RGMA: variants seen among roughly 807,000 people sequenced by gnomAD.
The protein encoded by RGMA is repulsive guidance molecule A.
In RGMA, 10 loss-of-function variants were observed where a neutral mutation model predicts 23.2. The ratio of observed to expected loss-of-function variants is 0.43; its 90% confidence interval spans 0.27 to 0.73. The LOEUF (loss-of-function observed/expected upper bound fraction) is 0.73, where lower values mean the gene tolerates loss of function less well. Among genes scored for constraint, RGMA ranks in the 30% least tolerant of loss-of-function variants. The pLI is 0.20. For synonymous variants in RGMA, 308 were observed against 279.3 expected (o/e 1.10, Z -1.03); for missense variants, 547 against 630.5 (o/e 0.87, Z 1.42).
intron 2 of RGMA, among the ~76,000 whole-genome samples, chr15:93,055,162 C>T (rs796930623): frequency 4.0e-4 from 61 of 152,224 alleles, no homozygotes; most frequent in African/African-American, 1.4e-3. Context: ...GAAAATCAAC[C>T]GGAAGGAACA....
At chr15:93,075,141 T>C (rs893786955) in intron 1 of RGMA, among the ~76,000 whole-genome samples, 3 of 149,000 alleles carry the variant, frequency 2.0e-5, no homozygotes, top group Non-Finnish European at 4.4e-5. Flanking sequence ...AATCTTCAAC[T>C]ATGTTACAAT....
At chr15:93,073,209 C>T (rs1220732357) in intron 1 of RGMA, 178 bp from the exon 2 acceptor site, 2 of 1,176,628 alleles carry the variant, frequency 1.7e-6, no homozygotes, top group South Asian at 3.8e-5. Flanking sequence ...ATCCATCACT[C>T]GGTTCTCCGC....
chr15:93,044,657 A>C lies in RGMA; in HGVS notation c.*341T>G. ...GCCTTTCAGTGCATTGCGAGGGGGA[A>C]GGAGCTGACTCTGACGGTTCCCAGT... On this transcript the variant is annotated 3_prime_UTR_variant, in exon 4 of 4. Coordinates refer to ENST00000329082, the MANE Select transcript of RGMA (RefSeq NM_020211.3). 10 of 331,544 alleles carry C rather than the reference A, an allele frequency of 3.0e-5. No homozygotes were observed. Among genetic ancestry groups the C allele is most frequent in the Middle Eastern group, 8.7e-4 (1 of 1,152 alleles). The allele number at this position is 331,544 out of a possible 1,614,324, so 20.5% of individuals were successfully genotyped here.
intron 2 of RGMA, chr15:93,066,521 C>T: frequency 6.1e-6 from 3 of 489,788 alleles, no homozygotes; most frequent in South Asian, 3.4e-5. Context: ...CGACTCCGCC[C>T]CTGCCACCGC....
intron 2 of RGMA, among the ~76,000 whole-genome samples, chr15:93,070,551 G>C (rs930596366): frequency 7.2e-5 from 11 of 152,206 alleles, no homozygotes; most frequent in Admixed American, 3.3e-4. Flanking sequence ...GAATGGGACA[G>C]TCTCTCTCTG....
rs759362129 is a variant in RGMA, at chr15:93,073,009, G to C, written c.37C>G (p.Arg13Gly). Residue 13 changes from arginine (R) to glycine (G), a missense_variant, in exon 2 of 4, where the codon CGA becomes GGA. By Grantham distance (125) the Arg-to-Gly change is moderately radical (BLOSUM62 -2). Coordinates refer to ENST00000329082, the MANE Select transcript of RGMA (RefSeq NM_020211.3). Reference protein sequence around the residue: ...PPRERLVVTGRAGWMGMGRGA... With the variant: ...PPRERLVVTGGAGWMGMGRGA... ...CTCCCCATACCCATCCATCCAGCTC[G>C]GCCTGTTACCACTAGCCTCTCCCTG... The C allele has an allele frequency of 6.2e-7, 1 of 1,610,152 alleles. No individual in the cohort carries two copies. Among genetic ancestry groups the C allele is most frequent in the East Asian group, 2.2e-5 (1 of 44,682 alleles).
At chr15:93,062,780 CA>C (rs1279907495) in intron 2 of RGMA, 1 of 152,334 alleles carries the variant, frequency 6.6e-6, no homozygotes, top group Non-Finnish European at 1.5e-5. Context: ...TCTTCCCCAT[CA>C]GAGTCCCGGG....
chr15:93,049,543 G>A (rs149909252), intron 3 of RGMA, among the ~76,000 whole-genome samples: 140 of 152,326 alleles, frequency 9.2e-4, no homozygotes, highest in Non-Finnish European at 1.6e-3. Flanking sequence ...AAATGTCCAC[G>A]TAGAAAACAC....
Position 93,065,978 on chromosome 15 carries a change from G to A in RGMA, c.130+6938C>T, listed in dbSNP as rs8042721. The A allele has an allele frequency of 6.4e-3, 7,066 of 1,105,238 alleles. 322 individuals carry two copies. The African/African-American group carries it at 0.095, about 15-fold the overall frequency. 68.5% of individuals were successfully genotyped at this position (1,105,238 alleles called of 1,614,324 possible). A position where few individuals can be genotyped will look rare whatever the true frequency, so the allele number is the denominator to read the frequency against. On this transcript the variant is annotated intron_variant, in intron 2 of 3. Coordinates refer to ENST00000329082, the MANE Select transcript of RGMA (RefSeq NM_020211.3). ...GGTGGGGGGCGCCGTCGTCTGGGCC[G>A]CTGCGCGGAGTCTTTGGCCCGTTCC... is the stretch of plus-strand genomic sequence containing the variant.
Position 93,045,270 on chromosome 15 carries a change from C to G in RGMA, c.1081G>C (p.Val361Leu), listed in dbSNP as rs754991211. Residue 361 changes from valine (V) to leucine (L), a missense_variant, in exon 4 of 4, where the codon GTG becomes CTG. Val to Leu is a conservative substitution (Grantham distance 32). This residue lies in a region of RGMA where 205 missense variants were observed against 204.1 expected (regional missense o/e 1.00). Transcript: ENST00000329082. This position sits in a 1 kb window ranked among gnomAD's most constrained non-coding sequence, Gnocchi z 6.9. ...APETFPYETA[V>L]AKCKEKLPVE... The stretch of plus-strand genomic sequence containing the variant: ...GGCAGCTTCTCCTTGCACTTGGCCA[C>G]GGCTGTCTCGTATGGGAAGGTCTCG... The G allele has an allele frequency of 1.2e-5, 20 of 1,613,116 alleles. No homozygotes were observed. Among genetic ancestry groups the G allele is most frequent in the Middle Eastern group, 3.3e-4 (2 of 6,062 alleles).
chr15:93,059,296 C>A (rs960370512), intron 2 of RGMA, among the ~76,000 whole-genome samples: 1 of 152,188 alleles, frequency 6.6e-6, no homozygotes, highest in African/African-American at 2.4e-5. Context: ...GAAGCTTAAT[C>A]GATTCCGGGC....
chr15:93,054,333 ACAGT>A (rs1462844643), intron 2 of RGMA, among the ~76,000 whole-genome samples: 2 of 152,028 alleles, frequency 1.3e-5, no homozygotes, highest in African/African-American at 4.8e-5. Flanking sequence ...TAGGTAAATG[ACAGT>A]CAGGTGGTGC....
intron 2 of RGMA, among the ~76,000 whole-genome samples, chr15:93,053,944 A>G (rs554589294): frequency 6.6e-6 from 1 of 152,270 alleles, no homozygotes; most frequent in East Asian, 1.9e-4. Flanking sequence ...AGAAAAAAAA[A>G]TTGCTGGGTA....
chr15:93,060,853 C>T (rs76334982), intron 2 of RGMA, among the ~76,000 whole-genome samples: 4 of 152,356 alleles, frequency 2.6e-5, no homozygotes, highest in African/African-American at 4.8e-5. Flanking sequence ...GGATGCACTG[C>T]GGCATCCCAG....
chr15:93,044,920 G>A lies in RGMA; in HGVS notation c.*78C>T. The A allele has an allele frequency of 8.1e-7, 1 of 1,235,896 alleles. No individual in the cohort carries two copies. Among genetic ancestry groups the A allele is most frequent in the East Asian group, 2.5e-5 (1 of 39,276 alleles). The allele number at this position is 1,235,896 out of a possible 1,614,324, so 76.6% of individuals were successfully genotyped here. A position where few individuals can be genotyped will look rare whatever the true frequency, so the allele number is the denominator to read the frequency against. On this transcript the variant is annotated 3_prime_UTR_variant, in exon 4 of 4. Coordinates refer to ENST00000329082, the MANE Select transcript of RGMA (RefSeq NM_020211.3). ...CCATGGTGGACACGCCAGGAGATCT[G>A]CACCCCGTGGGCGGTCCCAGCCCAC...
At chr15:93,084,534 G>C (rs1258744820) in intron 1 of RGMA, among the ~76,000 whole-genome samples, 2 of 152,002 alleles carry the variant, frequency 1.3e-5, no homozygotes, top group Admixed American at 1.3e-4. Flanking sequence ...GTGCAGTGGT[G>C]TGATCTTGGT....
intron 1 of RGMA, among the ~76,000 whole-genome samples, chr15:93,078,224 T>C (rs190760843): frequency 1.3e-5 from 2 of 152,328 alleles, no homozygotes; most frequent in African/African-American, 4.8e-5. Flanking sequence ...TAGATTTCTC[T>C]AACAGATCCC....
At position 93,074,087 on chromosome 15, in the gene RGMA, G is replaced by C. The variant is rs150066813; in HGVS notation, c.15-1056C>G. On this transcript the variant is annotated intron_variant, in intron 1 of 3. Transcript: ENST00000329082. ...GTTCTGCTGCCGTTGTGATATTTAA[G>C]GGACTGGTAACTTCCCCTGAGAGAC... 11 of 1,145,318 alleles carry C rather than the reference G, an allele frequency of 9.6e-6. No homozygotes were observed. The East Asian group carries it at 3.7e-4, about 38-fold the overall frequency. 70.9% of individuals were successfully genotyped at this position (1,145,318 alleles called of 1,614,324 possible). A position where few individuals can be genotyped will look rare whatever the true frequency, so the allele number is the denominator to read the frequency against.
At chr15:93,087,746 G>T (rs954020390) in intron 1 of RGMA, among the ~76,000 whole-genome samples, 21 of 152,112 alleles carry the variant, frequency 1.4e-4, no homozygotes, top group Non-Finnish European at 1.8e-4. Context: ...TTACGTTTTT[G>T]CTGGAAGAGT....
Sources: allele counts gnomAD v4.1 joint callset (sites outside exome capture counted in the v4.1 genomes callset), GRCh38; gene constraint gnomAD v4.1.1; regional missense constraint gnomAD v4.1.1; non-coding constraint Gnocchi (gnomAD v3.1); transcripts MANE v1.5; gene names NCBI Gene and HGNC (gene_info 2026-07-23, HGNC 2026-07-21).